Variants in SETDB2 observed in about 807,000 individuals in gnomAD.
SETDB2 encodes histone-lysine N-methyltransferase SETDB2.
SETDB2 carries 56 observed loss-of-function variants against 82.5 expected under a neutral mutation model. That is an observed-to-expected ratio of 0.68 (90% confidence interval 0.55 to 0.85). The LOEUF is 0.85. Ranked by LOEUF, SETDB2 falls within the 40% of genes least tolerant of loss-of-function variation. SETDB2 has a pLI of 0.00. For synonymous variants in SETDB2, 272 were observed against 284.9 expected, an observed-to-expected ratio of 0.95 and a Z score of 0.46; for missense variants, 677 against 816.4, an observed-to-expected ratio of 0.83 and a Z score of 2.08.
chr13:49,457,694 C>T (rs1237359426), intron 2 of SETDB2, among the ~76,000 whole-genome samples: 1 of 151,926 alleles, frequency 6.6e-6, no homozygotes, highest in Admixed American at 6.6e-5. Flanking sequence ...CCTCAGCCTC[C>T]CATGAGGTGT....
In SETDB2 at chr13:49,460,170, A is replaced by C; in HGVS notation, c.80A>C (p.Gln27Pro). 3.7e-6 allele frequency: 6 copies of C among 1,613,468 alleles called. No individual in the cohort carries two copies. Among genetic ancestry groups the C allele is most frequent in the Non-Finnish European group, 5.1e-6 (6 of 1,179,610 alleles). ...DDGKVDFIFE[Q>P]VQNVLQSLKQ... Reference sequence around the variant, plus strand: ...GGAAAAGTGGACTTCATTTTTGAACAAGTACAAAATGTGCTGCAGTCACTG... The same window carrying C: ...GGAAAAGTGGACTTCATTTTTGAACCAGTACAAAATGTGCTGCAGTCACTG... The change falls in exon 3 of 14, where the codon CAA becomes CCA. Residue 27 changes from glutamine to proline, a missense_variant. By Grantham distance (76) the Gln-to-Pro change is moderately conservative. This residue lies in a region of SETDB2 where 243 missense variants were observed against 237.2 expected (regional missense o/e 1.02). Coordinates refer to ENST00000611815, the MANE Select transcript of SETDB2 (RefSeq NM_001160308.3).
chr13:49,469,762 TTAAA>T (rs1425727414), intron 5 of SETDB2, among the ~76,000 whole-genome samples: 2 of 152,308 alleles, frequency 1.3e-5, no homozygotes, highest in South Asian at 2.1e-4. Context: ...TTCTATATGC[TTAAA>T]TAAACTTGAG....
At position 49,480,352 on chromosome 13, in the gene SETDB2, A is replaced by T. The variant is rs778239623; in HGVS notation, c.986+17A>T. Reference sequence around the variant, plus strand: ...TCCTACTGGGTAAGGTACCTTGAGGATTTGTTGCAGGGTGTGTATATCTTT... The same window carrying T: ...TCCTACTGGGTAAGGTACCTTGAGGTTTTGTTGCAGGGTGTGTATATCTTT... On this transcript the variant is annotated intron_variant, in intron 7 of 13. Transcript: ENST00000611815. 5.3e-6 allele frequency: 8 copies of T among 1,499,182 alleles called. No homozygotes were observed. The highest frequency in any genetic ancestry group is 7.3e-6 in the Non-Finnish European group (8 of 1,098,796). The allele number at this position is 1,499,182 out of a possible 1,614,324, so 92.9% of individuals were successfully genotyped here. A position where few individuals can be genotyped will look rare whatever the true frequency, so the allele number is the denominator to read the frequency against.
In SETDB2 at chr13:49,483,444, A is replaced by T; in HGVS notation, c.1383-20A>T. 1 of 1,031,860 alleles carries T rather than the reference A, an allele frequency of 9.7e-7. No homozygotes were observed. The highest frequency in any genetic ancestry group is 1.4e-6 in the Non-Finnish European group (1 of 708,142). 63.9% of individuals were successfully genotyped at this position (1,031,860 alleles called of 1,614,324 possible). ...AAGAGAATTTTTAGTGATACAGAATAACTTTTTTTTCCTTTTTAGGGAAAC... is the reference window on the plus strand; with the variant it reads ...AAGAGAATTTTTAGTGATACAGAATTACTTTTTTTTCCTTTTTAGGGAAAC... On this transcript the variant is annotated intron_variant, in intron 9 of 13. Coordinates refer to ENST00000611815, the MANE Select transcript of SETDB2 (RefSeq NM_001160308.3).
intron 4 of SETDB2, among the ~76,000 whole-genome samples, chr13:49,462,702 C>T (rs1164097772): frequency 3.3e-5 from 5 of 152,156 alleles, no homozygotes; most frequent in African/African-American, 1.2e-4. Context: ...CAATAAATGT[C>T]AATAATTTTT....
rs200766040 is a variant in SETDB2 at position 49,488,353 on chromosome 13, T to C, written c.1640T>C (p.Ile547Thr). The C allele has an allele frequency of 1.1e-4, 176 of 1,610,068 alleles. No homozygotes were observed. Among genetic ancestry groups the C allele is most frequent in the Middle Eastern group, 1.7e-4 (1 of 6,036 alleles). ...EDNLLIESDV[I>T]DITKYREETP... ...AATCTGCTGATTGAATCAGATGTGATAGATATAACTAAATATAGAGAAGAA... is the reference window on the plus strand; with the variant it reads ...AATCTGCTGATTGAATCAGATGTGACAGATATAACTAAATATAGAGAAGAA... The change falls in exon 12 of 14, where the codon ATA (isoleucine) becomes ACA (threonine). Residue 547 changes from isoleucine (I) to threonine (T), a missense_variant. By Grantham distance (89) the Ile-to-Thr change is moderately conservative. Around this residue, in one of 3 missense-constraint regions of SETDB2, gnomAD observed 420 missense variants for 554.6 expected, o/e 0.76. Transcript: ENST00000611815.
intron 12 of SETDB2, among the ~76,000 whole-genome samples, chr13:49,489,721 G>C (rs1375806127): frequency 6.8e-6 from 1 of 146,258 alleles, no homozygotes; most frequent in East Asian, 2.1e-4. Flanking sequence ...TCAGCCTCCT[G>C]AGTAGCTGAG....
At chr13:49,454,438 A>G (rs1350165607) in intron 2 of SETDB2, among the ~76,000 whole-genome samples, 1 of 152,158 alleles carries the variant, frequency 6.6e-6, no homozygotes, top group Non-Finnish European at 1.5e-5. Context: ...ATAGAATTTT[A>G]ACCCATCCCC....
chr13:49,448,296 T>C (rs1485209885), intron 1 of SETDB2, among the ~76,000 whole-genome samples: 8 of 152,208 alleles, frequency 5.3e-5, no homozygotes, highest in Non-Finnish European at 1.2e-4. Context: ...TTTTAAAATG[T>C]TTAAAATCTC....
rs1958375112 is a variant in SETDB2 at position 49,476,826 on chromosome 13, C to T, written c.656C>T (p.Ala219Val). The T allele has an allele frequency of 6.2e-7, 1 of 1,613,996 alleles. No individual in the cohort carries two copies. The highest frequency in any genetic ancestry group is 8.5e-7 in the Non-Finnish European group (1 of 1,179,970). The stretch of plus-strand genomic sequence containing the variant: ...TCTTTCAATACCTATGTTCAGTTGG[C>T]TCGGAATTACCCAAAGCAAAAAGAA... ...NFSFNTYVQL[A>V]RNYPKQKEVV... Residue 219 changes from alanine (A) to valine (V), a missense_variant, in exon 6 of 14, where the codon GCT (alanine) becomes GTT (valine). This residue lies in a region of SETDB2 where 243 missense variants were observed against 237.2 expected (regional missense o/e 1.02). Coordinates refer to ENST00000611815, the MANE Select transcript of SETDB2 (RefSeq NM_001160308.3).
At chr13:49,477,176 G>A (rs1321599293) in intron 6 of SETDB2, 137 bp downstream of exon 6, 2 of 783,044 alleles carry the variant, frequency 2.6e-6, no homozygotes, top group Admixed American at 3.3e-5. Flanking sequence ...TGGCCCACGT[G>A]TGTAATCCCA....
chr13:49,445,523 T>C (rs1957653149), intron 1 of SETDB2: 1 of 152,210 alleles, frequency 6.6e-6, no homozygotes, highest in Non-Finnish European at 1.5e-5. Flanking sequence ...TGTTTAAATT[T>C]TCTCCTTTAT....
chr13:49,492,585 C>T lies in SETDB2; in HGVS notation c.*736C>T, dbSNP rs7324622. On this transcript the variant is annotated 3_prime_UTR_variant, in exon 14 of 14. Transcript: ENST00000611815. ...TTTGTTCTAGATAGAGATACAGTTA[C>T]TGAAAAGGAAACCTAGAAAGTAGTC... The T allele has an allele frequency of 0.81, 123,138 of 152,214 alleles. 50,399 individuals carry two copies. The highest frequency in any genetic ancestry group is 0.93 in the African/African-American group (38,785 of 41,544). 9.4% of individuals were successfully genotyped at this position (152,214 alleles called of 1,614,324 possible).
At position 49,451,817 on chromosome 13, in the gene SETDB2, C is replaced by T; in HGVS notation, c.-77C>T. ...ATTTTATAGAGACCACAGTTGGATT[C>T]CAGTGATATTCTGCAATCAAAGTGA... On this transcript the variant is annotated 5_prime_UTR_variant, in exon 2 of 14. Transcript: ENST00000611815. 1 of 1,151,592 alleles carries T rather than the reference C, an allele frequency of 8.7e-7. No homozygotes were observed. Among genetic ancestry groups the T allele is most frequent in the Non-Finnish European group, 1.3e-6 (1 of 786,018 alleles). The allele number at this position is 1,151,592 out of a possible 1,614,324, so 71.3% of individuals were successfully genotyped here.
In SETDB2 at chr13:49,485,822, A is replaced by G. The variant is rs1209244676; in HGVS notation, c.1576+99A>G. 3.8e-6 allele frequency: 4 copies of G among 1,039,822 alleles called. No individual in the cohort carries two copies. The Admixed American group carries it at 5.1e-5, about 13-fold the overall frequency. 64.4% of individuals were successfully genotyped at this position (1,039,822 alleles called of 1,614,324 possible). ...CATTTTCTTAGATTCCATAATAAAC[A>G]TGCTGCATTTGTCAGAAAGGTTACA... On this transcript the variant is annotated intron_variant, in intron 11 of 13. Transcript: ENST00000611815.
chr13:49,447,965 A>G (rs1594122938), intron 1 of SETDB2, among the ~76,000 whole-genome samples: 2 of 152,002 alleles, frequency 1.3e-5, no homozygotes, highest in African/African-American at 4.8e-5. Flanking sequence ...TTATGGACCT[A>G]GTGTACTAGC....
At chr13:49,491,703 A>C in intron 13 of SETDB2, 29 bp from the exon 14 acceptor site, 2 of 1,504,520 alleles carry the variant, frequency 1.3e-6, no homozygotes, top group Admixed American at 1.7e-5. Flanking sequence ...AGGGTATTTT[A>C]TGATTCTTTT....
rs1181238504 is a variant in SETDB2 at position 49,491,916 on chromosome 13, G to A, written c.*67G>A. ...TGAAATTAAAGCCATGCAAAAGAAG[G>A]TCTAGGTCCATCAAGGAAATTCCCC... On this transcript the variant is annotated 3_prime_UTR_variant, in exon 14 of 14. Transcript: ENST00000611815. The A allele has an allele frequency of 2.7e-6, 3 of 1,096,366 alleles. No individual in the cohort carries two copies. The highest frequency in any genetic ancestry group is 2.0e-4 in the Middle Eastern group (1 of 5,108). 67.9% of individuals were successfully genotyped at this position (1,096,366 alleles called of 1,614,324 possible).
chr13:49,488,299 G>A lies in SETDB2; in HGVS notation c.1586G>A (p.Ser529Asn), dbSNP rs1194966226. The stretch of plus-strand genomic sequence containing the variant: ...CCAAAATGTCTATTAGAGGACTCAA[G>A]TTCAAACCATGTTGATGAGTTTGAA... ...SKTKGAQKDS[S>N]SNHVDEFEDN... The change falls in exon 12 of 14, where the codon AGT becomes AAT. Residue 529 changes from serine (S) to asparagine (N), a missense_variant. This residue lies in a region of SETDB2 where 420 missense variants were observed against 554.6 expected (regional missense o/e 0.76). Transcript: ENST00000611815. The A allele has an allele frequency of 1.3e-6, 2 of 1,584,766 alleles. No homozygotes were observed. The highest frequency in any genetic ancestry group is 1.2e-5 in the South Asian group (1 of 85,240).
Sources: gnomAD v4.1 joint callset for allele counts (sites outside exome capture counted in the v4.1 genomes callset) on GRCh38, gnomAD v4.1.1 for gene constraint, gnomAD v4.1.1 regional missense constraint, MANE v1.5 for transcripts, NCBI Gene and HGNC (gene_info 2026-07-23, HGNC 2026-07-21) for gene names.